RYR3: variants seen among roughly 807,000 people sequenced by gnomAD.
RYR3 encodes the protein brain ryanodine receptor-calcium release channel.
In RYR3, 207 loss-of-function variants were observed where a neutral mutation model predicts 584.3. The ratio of observed to expected loss-of-function variants is 0.35; its 90% CI spans 0.32 to 0.40. The LOEUF (loss-of-function observed/expected upper bound fraction) is 0.40, where lower values mean the gene tolerates loss of function less well. RYR3 is among the 10% of genes least tolerant of loss of function. The pLI, the probability that RYR3 is intolerant of heterozygous loss-of-function variation, is 1.00. For synonymous variants in RYR3, 2,416 were observed against 2,248.5 expected, an observed-to-expected ratio of 1.07 and a Z score of -2.11; for missense variants, 5,616 against 6,089.2, an observed-to-expected ratio of 0.92 and a Z score of 2.59.
At chr15:33,837,032 G>A in intron 88 of RYR3, 45 bp downstream of exon 88, 1 of 1,421,968 alleles carries the variant, frequency 7.0e-7, no homozygotes, top group Non-Finnish European at 9.9e-7. Context: ...ACTGTAATTG[G>A]TCTGAGCACT....
intron 60 of RYR3, among the ~76,000 whole-genome samples, chr15:33,762,983 C>T (rs1397919981): frequency 2.0e-5 from 3 of 152,066 alleles, no homozygotes; most frequent in African/African-American, 7.2e-5. Flanking sequence ...CGCCATCTGA[C>T]CTTTGACAAA....
rs576718458 is a variant in RYR3 at position 33,840,983 on chromosome 15, T to C, written c.13037+100T>C. 7 of 1,072,524 alleles carry C rather than the reference T, an allele frequency of 6.5e-6. No individual in the cohort carries two copies. The African/African-American group carries it at 7.8e-5, about 12-fold the overall frequency. 66.4% of individuals were successfully genotyped at this position (1,072,524 alleles called of 1,614,324 possible). A position where few individuals can be genotyped will look rare whatever the true frequency, so the allele number is the denominator to read the frequency against. ...CTGTAATCCCAGCACTTTGAGAGGC[T>C]GAGGCTGGAGGATCACTTGAACCCA... On this transcript the variant is annotated intron_variant, in intron 90 of 103. Transcript: ENST00000634891.
At chr15:33,511,109 C>T (rs2052944753) in intron 3 of RYR3, among the ~76,000 whole-genome samples, 1 of 151,780 alleles carries the variant, frequency 6.6e-6, no homozygotes, top group South Asian at 2.1e-4. Context: ...TAGGTATTGA[C>T]CATTTTTCTT....
At chr15:33,523,041 C>T (rs191058787) in intron 3 of RYR3, among the ~76,000 whole-genome samples, 36 of 152,262 alleles carry the variant, frequency 2.4e-4, no homozygotes, top group Admixed American at 2.0e-3. Flanking sequence ...GTGAAGCCAG[C>T]TGGGCTTCTG....
chr15:33,426,550 A>G (rs1256278608), intron 1 of RYR3, among the ~76,000 whole-genome samples: 1 of 152,216 alleles, frequency 6.6e-6, no homozygotes. Flanking sequence ...AGGCAGTTTA[A>G]TTTAAAAAAC....
intron 1 of RYR3, among the ~76,000 whole-genome samples, chr15:33,414,315 T>C (rs892241116): frequency 6.6e-6 from 1 of 152,160 alleles, no homozygotes; most frequent in Non-Finnish European, 1.5e-5. Flanking sequence ...AGAGTGGTAT[T>C]GTAAGCTAGT....
At chr15:33,532,599 T>G (rs1355510944) in intron 4 of RYR3, among the ~76,000 whole-genome samples, 1 of 150,684 alleles carries the variant, frequency 6.6e-6, no homozygotes, top group African/African-American at 2.4e-5. Flanking sequence ...TGATAAATAC[T>G]CAATAACATA....
intron 1 of RYR3, among the ~76,000 whole-genome samples, chr15:33,424,953 T>C (rs1397698108): frequency 1.3e-5 from 2 of 151,990 alleles, no homozygotes; most frequent in Non-Finnish European, 2.9e-5. Context: ...AAGAAGAAAA[T>C]GGGAATATGG....
At chr15:33,857,067 C>A (rs903604816) in intron 98 of RYR3, among the ~76,000 whole-genome samples, 1 of 152,202 alleles carries the variant, frequency 6.6e-6, no homozygotes, top group African/African-American at 2.4e-5. Flanking sequence ...CTCCTCACAG[C>A]ACCTGCACTA....
rs904141760 is a variant in RYR3 at position 33,722,908 on chromosome 15, A to G, written c.6800+13A>G. ...ACAAAAGAGAAGTGTAAGTGAATGG[A>G]ATTCCCTTCCGGCACAGATACGGTT... On this transcript the variant is annotated intron_variant, in intron 44 of 103. Coordinates refer to ENST00000634891, the MANE Select transcript of RYR3 (RefSeq NM_001036.6). 4 of 1,549,038 alleles carry G rather than the reference A, an allele frequency of 2.6e-6. No individual in the cohort carries two copies. The highest frequency in any genetic ancestry group is 3.5e-6 in the Non-Finnish European group (4 of 1,149,284).
intron 1 of RYR3, among the ~76,000 whole-genome samples, chr15:33,469,408 A>G (rs1168314209): frequency 6.6e-6 from 1 of 152,120 alleles, no homozygotes; most frequent in Non-Finnish European, 1.5e-5. Flanking sequence ...AAATAAGGCC[A>G]GAGCTATGCC....
intron 67 of RYR3, among the ~76,000 whole-genome samples, chr15:33,789,458 A>G (rs1262146473): frequency 1.3e-5 from 2 of 148,974 alleles, no homozygotes; most frequent in African/African-American, 4.9e-5. Flanking sequence ...GGTGGGAGAG[A>G]GTGATGGGGA....
intron 3 of RYR3, among the ~76,000 whole-genome samples, chr15:33,514,929 G>T (rs775107279): frequency 6.6e-6 from 1 of 152,030 alleles, no homozygotes; most frequent in Admixed American, 6.5e-5. Flanking sequence ...GCGTGAACCC[G>T]GGAGGCGGAG....
At chr15:33,391,483 G>A (rs754548178) in intron 1 of RYR3, among the ~76,000 whole-genome samples, 17 of 151,900 alleles carry the variant, frequency 1.1e-4, no homozygotes, top group African/African-American at 2.7e-4. Flanking sequence ...AAAATTAGCC[G>A]GGCATGGTGG....
intron 42 of RYR3, among the ~76,000 whole-genome samples, chr15:33,706,343 T>G (rs2066715414): frequency 6.6e-6 from 1 of 152,264 alleles, no homozygotes; most frequent in South Asian, 2.1e-4. Flanking sequence ...TCTTTTCATC[T>G]TGTAAAACTG....
At chr15:33,464,503 T>TATATATATATATATATATATAC (rs1180164194) in intron 1 of RYR3, among the ~76,000 whole-genome samples, 6 of 105,934 alleles carry the variant, frequency 5.7e-5, no homozygotes, top group Non-Finnish European at 1.2e-4. Flanking sequence ...CATATATATA[T>TATATATATATATATATATATAC]ACATACACAT....
chr15:33,574,958 A>T (rs1377134685), intron 12 of RYR3, among the ~76,000 whole-genome samples: 1 of 152,228 alleles, frequency 6.6e-6, no homozygotes, highest in Non-Finnish European at 1.5e-5. Flanking sequence ...TGCAAAGTGG[A>T]AAAAAGCAGG....
chr15:33,415,976 A>G (rs2043786174), intron 1 of RYR3, among the ~76,000 whole-genome samples: 2 of 152,134 alleles, frequency 1.3e-5, no homozygotes, highest in Admixed American at 6.5e-5. Context: ...TTTCTGTGTT[A>G]ATTCACTTAG....
At chr15:33,664,199 T>G (rs1301244486) in intron 36 of RYR3, among the ~76,000 whole-genome samples, 1 of 152,120 alleles carries the variant, frequency 6.6e-6, no homozygotes, top group Non-Finnish European at 1.5e-5. Context: ...CCCTTGCCGG[T>G]GGCACGACTC....
Sources: allele counts gnomAD v4.1 joint callset (sites outside exome capture counted in the v4.1 genomes callset), GRCh38; gene constraint gnomAD v4.1.1; transcripts MANE v1.5; gene names NCBI Gene and HGNC (gene_info 2026-07-23, HGNC 2026-07-21).